The following RPS6KC1 variants were observed in gnomAD, a reference collection of about 807,000 sequenced individuals.
RPS6KC1 encodes the protein ribosomal protein S6 kinase C1.
RPS6KC1 carries 54 observed loss-of-function variants against 103.8 expected under a neutral mutation model. The observed-to-expected ratio is 0.52, with a 90% confidence interval of 0.42 to 0.65. The LOEUF (loss-of-function observed/expected upper bound fraction) is 0.65, where lower values mean the gene tolerates loss of function less well. RPS6KC1 is among the 30% of genes least tolerant of loss of function. RPS6KC1 has a pLI of 0.00. For synonymous variants in RPS6KC1, 439 were observed against 438.7 expected (o/e 1.00, Z -0.01); for missense variants, 1,151 against 1,253.8 (o/e 0.92, Z 1.24).
chr1:213,723,554 G>A, the RPS6KC1 span, among the ~76,000 whole-genome samples: 1 of 152,120 alleles, frequency 6.6e-6, no homozygotes, highest in African/African-American at 2.4e-5. Flanking sequence ...CCACCCATGT[G>A]ACCTCATTTT....
intron 1 of RPS6KC1, among the ~76,000 whole-genome samples, chr1:213,068,961 G>C (rs944706322): frequency 2.0e-5 from 3 of 151,782 alleles, no homozygotes; most frequent in Non-Finnish European, 4.4e-5. Context: ...AAGAGGCTGA[G>C]GTGGGAGGAT....
the RPS6KC1 span, among the ~76,000 whole-genome samples, chr1:213,745,227 G>GTTT: frequency 6.8e-6 from 1 of 147,720 alleles, no homozygotes. Flanking sequence ...GGAAGCTAGG[G>GTTT]TTTTTTTTTT....
the RPS6KC1 span, among the ~76,000 whole-genome samples, chr1:213,328,785 G>T: frequency 4.6e-5 from 7 of 151,960 alleles, no homozygotes; most frequent in Non-Finnish European, 7.4e-5. Flanking sequence ...ACTGTAAATG[G>T]ACCCTACAAT....
chr1:213,787,429 G>A, the RPS6KC1 span, among the ~76,000 whole-genome samples: 2 of 152,134 alleles, frequency 1.3e-5, no homozygotes, highest in Admixed American at 1.3e-4. Flanking sequence ...GATGGAGTGA[G>A]CCAGGGGAAA....
At chr1:213,610,676 G>A in the RPS6KC1 span, among the ~76,000 whole-genome samples, 18 of 152,162 alleles carry the variant, frequency 1.2e-4, no homozygotes, top group Admixed American at 8.5e-4. Flanking sequence ...CACTCCCCAG[G>A]GCAGTAATTG....
At chr1:213,641,672 T>A in the RPS6KC1 span, among the ~76,000 whole-genome samples, 3 of 151,880 alleles carry the variant, frequency 2.0e-5, no homozygotes, top group Non-Finnish European at 2.9e-5. Flanking sequence ...CTGTCCTGAG[T>A]TCCTCACTCT....
chr1:213,542,916 C>T, the RPS6KC1 span, among the ~76,000 whole-genome samples: 29 of 152,108 alleles, frequency 1.9e-4, no homozygotes, highest in African/African-American at 6.8e-4. Flanking sequence ...GAGAGGGCCA[C>T]GCAAACCAGC....
At chr1:213,358,319 T>C in the RPS6KC1 span, among the ~76,000 whole-genome samples, 1 of 152,212 alleles carries the variant, frequency 6.6e-6, no homozygotes, top group East Asian at 1.9e-4. Context: ...GAGCCTGTTT[T>C]TGGTCTATTC....
Position 213,210,577 on chromosome 1 carries a change from T to C in RPS6KC1, c.1045-19920T>C, listed in dbSNP as rs150010179. ...AACTTGTCAATTTGAGAATGAGTAT[T>C]GTGCCTTTGTGTTTCATATGTGCTT... On this transcript the variant is annotated intron_variant, in intron 8 of 14. Coordinates refer to ENST00000366960, the MANE Select transcript of RPS6KC1 (RefSeq NM_012424.6). Among the ~76,000 whole-genome samples the C allele has an allele frequency of 9.9e-3, 1,505 of 152,374 alleles. 10 individuals carry two copies. Among genetic ancestry groups the C allele is most frequent in the Non-Finnish European group, 0.015 (1,042 of 68,038 alleles).
At chr1:213,339,520 T>C in the RPS6KC1 span, among the ~76,000 whole-genome samples, 4 of 152,192 alleles carry the variant, frequency 2.6e-5, no homozygotes, top group Non-Finnish European at 5.9e-5. Flanking sequence ...CTCTGCAGCA[T>C]GGAATAAGCG....
chr1:213,779,791 G>A, the RPS6KC1 span, among the ~76,000 whole-genome samples: 8 of 152,168 alleles, frequency 5.3e-5, no homozygotes, highest in African/African-American at 1.7e-4. Context: ...AAGGAGATGC[G>A]CAGAAAAGTT....
chr1:213,273,232 T>A lies in RPS6KC1; in HGVS notation c.*598T>A, dbSNP rs2095082997. On this transcript the variant is annotated 3_prime_UTR_variant, in exon 15 of 15. Transcript: ENST00000366960. The stretch of plus-strand genomic sequence containing the variant: ...ACACTCCATGTTGTCAGCTTTGTAC[T>A]CTTTGTTGATACTGCTTATTTAGAG... 6.5e-6 allele frequency: 1 copy of A among 152,892 alleles called. No homozygotes were observed. Among genetic ancestry groups the A allele is most frequent in the Non-Finnish European group, 1.5e-5 (1 of 68,234 alleles). 9.5% of individuals were successfully genotyped at this position (152,892 alleles called of 1,614,324 possible).
the RPS6KC1 span, among the ~76,000 whole-genome samples, chr1:213,551,734 G>C: frequency 6.6e-6 from 1 of 152,082 alleles, no homozygotes; most frequent in African/African-American, 2.4e-5. Flanking sequence ...CATCGTTTAC[G>C]CCGGGGTTCT....
chr1:213,776,287 G>T, the RPS6KC1 span, among the ~76,000 whole-genome samples: 1 of 152,086 alleles, frequency 6.6e-6, no homozygotes, highest in East Asian at 1.9e-4. Context: ...CACTCTCTGT[G>T]GCAGCTATAC....
At chr1:213,136,027 G>A (rs1044430400) in intron 6 of RPS6KC1, among the ~76,000 whole-genome samples, 10 of 152,184 alleles carry the variant, frequency 6.6e-5, no homozygotes, top group African/African-American at 2.4e-4. Context: ...ATCTGAAAAA[G>A]AGTGTTTTAT....
chr1:213,274,701 T>C lies in RPS6KC1; in HGVS notation c.*2067T>C. The C allele has an allele frequency of 6.7e-6, 1 of 149,944 alleles. No individual in the cohort carries two copies. The highest frequency in any genetic ancestry group is 6.6e-5 in the Admixed American group (1 of 15,096). The allele number at this position is 149,944 out of a possible 1,614,324, so 9.3% of individuals were successfully genotyped here. On this transcript the variant is annotated 3_prime_UTR_variant, in exon 15 of 15. Transcript: ENST00000366960. ...GAATGGTACTGATTTTTGTGGTTGT[T>C]TTTTTTTTATATTTTGTTTGTTTAA...
the RPS6KC1 span, among the ~76,000 whole-genome samples, chr1:213,540,561 C>T: frequency 3.4e-4 from 52 of 152,268 alleles, no homozygotes; most frequent in South Asian, 2.1e-3. Context: ...ATGTTGCCGA[C>T]GTGGGTCTTG....
In RPS6KC1 at chr1:213,240,797, G is replaced by T. The variant is rs370571049; in HGVS notation, c.1321G>T (p.Val441Phe). The change falls in exon 11 of 15, where the codon GTT (valine) becomes TTT (phenylalanine). Residue 441 changes from valine to phenylalanine, a missense_variant. Physicochemically the swap from Val to Phe is conservative, Grantham distance 50 (BLOSUM62 -1). Around this residue, in one of 3 missense-constraint regions of RPS6KC1, gnomAD observed 959 missense variants for 1,006.3 expected, o/e 0.95. Transcript: ENST00000366960. The stretch of plus-strand genomic sequence containing the variant: ...AGTGAAAAAACCTACACTTGCAAAA[G>T]TTCACCTGCAGCAGCCAACTTCTAG... ...KEVKKPTLAK[V>F]HLQQPTSSPQ... 3.7e-6 allele frequency: 6 copies of T among 1,613,912 alleles called. No individual in the cohort carries two copies. The East Asian group carries it at 1.3e-4, about 36-fold the overall frequency.
At chr1:213,648,585 AC>A in the RPS6KC1 span, among the ~76,000 whole-genome samples, 1 of 151,716 alleles carries the variant, frequency 6.6e-6, no homozygotes, top group East Asian at 2.0e-4. Flanking sequence ...GCTCACCACC[AC>A]CCTCATCTGA....
Sources: allele counts gnomAD v4.1 joint callset (sites outside exome capture counted in the v4.1 genomes callset), GRCh38; gene constraint gnomAD v4.1.1; regional missense constraint gnomAD v4.1.1; transcripts MANE v1.5; gene names NCBI Gene and HGNC (gene_info 2026-07-23, HGNC 2026-07-21).